Variants in NR3C2 observed in about 807,000 individuals in gnomAD.
NR3C2 encodes the protein nuclear receptor subfamily 3 group C member 2.
In NR3C2, 15 loss-of-function variants were observed where a neutral mutation model predicts 86.4. That is an observed-to-expected ratio of 0.17 (90% CI 0.12 to 0.27). The LOEUF (loss-of-function observed/expected upper bound fraction) is 0.27, where lower values mean the gene tolerates loss of function less well. Among genes scored for constraint, NR3C2 ranks in the 10% least tolerant of loss-of-function variants. The pLI, the probability that NR3C2 is intolerant of heterozygous loss-of-function variation, is 1.00. For synonymous variants in NR3C2, 458 were observed against 450.5 expected, an observed-to-expected ratio of 1.02 and a Z score of -0.21; for missense variants, 960 against 1,195.6, an observed-to-expected ratio of 0.80 and a Z score of 2.91.
intron 3 of NR3C2, among the ~76,000 whole-genome samples, chr4:148,213,363 T>C (rs549107230): frequency 4.6e-5 from 7 of 152,286 alleles, no homozygotes; most frequent in African/African-American, 1.7e-4. Flanking sequence ...GTAGAAATCA[T>C]TAGACATGGT....
At position 148,201,138 on chromosome 4, in the gene NR3C2, G is replaced by A. The variant is rs1736699254; in HGVS notation, c.1898-6276C>T. ...CAGAAGTTTCTCCATCTTCTGTAGA[G>A]CCTGCACAGTCATCCCCCTGAATCA... On this transcript the variant is annotated intron_variant, in intron 3 of 8. Coordinates refer to ENST00000358102, the MANE Select transcript of NR3C2 (RefSeq NM_000901.5). 2.6e-5 allele frequency: 4 copies of A among 152,300 alleles called. No individual in the cohort carries two copies. In the South Asian group the frequency reaches 8.3e-4, roughly 32 times the overall value. The allele number at this position is 152,300 out of a possible 1,614,324, so 9.4% of individuals were successfully genotyped here.
intron 2 of NR3C2, among the ~76,000 whole-genome samples, chr4:148,415,571 C>A (rs1748950004): frequency 6.6e-6 from 1 of 152,110 alleles, no homozygotes; most frequent in South Asian, 2.1e-4. Flanking sequence ...AAAAAAGCAG[C>A]ATTCTCAGGG....
In NR3C2 at chr4:148,122,670, T is replaced by C. The variant is rs577141063; in HGVS notation, c.2511-2382A>G. Among the ~76,000 whole-genome samples the C allele has an allele frequency of 7.2e-5, 11 of 152,348 alleles. No individual in the cohort carries two copies. In the South Asian group the frequency reaches 1.7e-3, roughly 23 times the overall value. ...AGGGACCCCGAACGGAGGGACTGGC[T>C]GGAGCCGTGGCAGAGGAACATAAAT... On this transcript the variant is annotated intron_variant, in intron 6 of 8. Coordinates refer to ENST00000358102, the MANE Select transcript of NR3C2 (RefSeq NM_000901.5).
intron 2 of NR3C2, among the ~76,000 whole-genome samples, chr4:148,300,212 G>A (rs114832436): frequency 1.4e-3 from 211 of 152,324 alleles, no homozygotes; most frequent in African/African-American, 4.8e-3. Context: ...ACCATTTTGC[G>A]ATGGTGGCCC....
At chr4:148,246,728 T>G (rs1739332933) in intron 3 of NR3C2, among the ~76,000 whole-genome samples, 8 of 152,082 alleles carry the variant, frequency 5.3e-5, no homozygotes, top group Admixed American at 5.2e-4. Context: ...ATTTTTTGTA[T>G]TTTTAGTAGA....
At chr4:148,100,213 C>T (rs531974968) in intron 8 of NR3C2, among the ~76,000 whole-genome samples, 4 of 152,208 alleles carry the variant, frequency 2.6e-5, no homozygotes, top group African/African-American at 9.6e-5. Flanking sequence ...AAGAAACAGA[C>T]GATTTTCTGT....
intron 2 of NR3C2, among the ~76,000 whole-genome samples, chr4:148,387,087 G>A (rs1276392299): frequency 6.6e-6 from 1 of 152,226 alleles, no homozygotes; most frequent in Non-Finnish European, 1.5e-5. Context: ...TCTGGTCAAT[G>A]TGATATAAAC....
chr4:148,391,025 T>C lies in NR3C2; in HGVS notation c.1757+44079A>G, dbSNP rs887329452. 3.3e-5 allele frequency among the ~76,000 whole-genome samples: 5 copies of C among 152,342 alleles called. No individual in the cohort carries two copies. The East Asian group carries it at 7.7e-4, about 23-fold the overall frequency. On this transcript the variant is annotated intron_variant, in intron 2 of 8. Coordinates refer to ENST00000358102, the MANE Select transcript of NR3C2 (RefSeq NM_000901.5). Reference sequence around the variant, plus strand: ...CACTGTAATTGTCTCTCAACCCACATTGTATATTATGTTGCTAAATTATAT... The same window carrying C: ...CACTGTAATTGTCTCTCAACCCACACTGTATATTATGTTGCTAAATTATAT...
chr4:148,393,280 A>G (rs1747685912), intron 2 of NR3C2, among the ~76,000 whole-genome samples: 1 of 152,204 alleles, frequency 6.6e-6, no homozygotes, highest in Admixed American at 6.5e-5. Flanking sequence ...AGTCTGTGGG[A>G]ATATTATCCT....
chr4:148,154,343 T>C (rs573910927), intron 5 of NR3C2, among the ~76,000 whole-genome samples: 6 of 152,334 alleles, frequency 3.9e-5, no homozygotes, highest in Admixed American at 3.3e-4. Flanking sequence ...ATTTTAACAA[T>C]AAAATCCTTA....
chr4:148,372,737 A>G (rs979888800), intron 2 of NR3C2, among the ~76,000 whole-genome samples: 2 of 152,246 alleles, frequency 1.3e-5, no homozygotes, highest in African/African-American at 2.4e-5. Context: ...GATCAATTCT[A>G]AAGAAAAGTT....
chr4:148,123,893 C>G (rs977183963), intron 6 of NR3C2, among the ~76,000 whole-genome samples: 2 of 152,208 alleles, frequency 1.3e-5, no homozygotes, highest in African/African-American at 4.8e-5. Context: ...AGTTCAGTTT[C>G]TTACTTATTG....
At chr4:148,107,529 A>G (rs1466321158) in intron 8 of NR3C2, among the ~76,000 whole-genome samples, 2 of 152,238 alleles carry the variant, frequency 1.3e-5, no homozygotes, top group Non-Finnish European at 2.9e-5. Context: ...TCATTCTACC[A>G]TAAAGATGCA....
intron 6 of NR3C2, among the ~76,000 whole-genome samples, chr4:148,131,946 C>T (rs139043318): frequency 1.8e-3 from 267 of 152,222 alleles, no homozygotes; most frequent in Non-Finnish European, 2.1e-3. Flanking sequence ...CTAGAAGGGG[C>T]CTTGTTATAT....
At chr4:148,161,745 A>T (rs571624014) in intron 4 of NR3C2, among the ~76,000 whole-genome samples, 1 of 152,336 alleles carries the variant, frequency 6.6e-6, no homozygotes, top group South Asian at 2.1e-4. Flanking sequence ...CCATTGTATA[A>T]GAAGTACCCA....
At chr4:148,124,089 C>T (rs1184254987) in intron 6 of NR3C2, among the ~76,000 whole-genome samples, 2 of 152,088 alleles carry the variant, frequency 1.3e-5, no homozygotes, top group African/African-American at 2.4e-5. Flanking sequence ...AATAGAAAAA[C>T]TAGTTGGGCA....
chr4:148,246,581 C>T (rs756045907), intron 3 of NR3C2, among the ~76,000 whole-genome samples: 3 of 152,090 alleles, frequency 2.0e-5, no homozygotes, highest in African/African-American at 7.2e-5. Flanking sequence ...AATGGAGCGT[C>T]GCTCTTGTTG....
intron 8 of NR3C2, among the ~76,000 whole-genome samples, chr4:148,109,840 A>G (rs1362528788): frequency 6.6e-6 from 1 of 152,124 alleles, no homozygotes; most frequent in African/African-American, 2.4e-5. Flanking sequence ...GAAAAGGGCA[A>G]TTTTTGCATC....
At chr4:148,370,797 T>C (rs1746380333) in intron 2 of NR3C2, among the ~76,000 whole-genome samples, 1 of 152,228 alleles carries the variant, frequency 6.6e-6, no homozygotes, top group Admixed American at 6.6e-5. Flanking sequence ...TTCCTCTCAT[T>C]ACTTTTAGAA....
Sources: allele counts gnomAD v4.1 joint callset (sites outside exome capture counted in the v4.1 genomes callset), GRCh38; gene constraint gnomAD v4.1.1; transcripts MANE v1.5; gene names NCBI Gene and HGNC (gene_info 2026-07-23, HGNC 2026-07-21).